Variants in MTUS2 observed in about 807,000 individuals in gnomAD.
MTUS2 encodes microtubule-associated tumor suppressor candidate 2.
Under a neutral mutation model 114.1 loss-of-function variants are expected in MTUS2, and 40 were observed. The ratio of observed to expected loss-of-function variants is 0.35; its 90% CI spans 0.27 to 0.46. MTUS2 has a LOEUF of 0.46. MTUS2 is among the 20% of genes least tolerant of loss of function. The pLI is 1.00. For missense variants in MTUS2, 1,679 were observed against 1,705.4 expected (o/e 0.98, Z 0.27); for synonymous variants, 688 against 672.0 (o/e 1.02, Z -0.37).
intron 8 of MTUS2, among the ~76,000 whole-genome samples, chr13:29,427,445 G>A (rs879413155): frequency 2.0e-5 from 3 of 152,184 alleles, no homozygotes; most frequent in African/African-American, 7.2e-5. Flanking sequence ...ACAAGCTTGT[G>A]TATTTATGTG....
chr13:29,247,228 C>T (rs1048998485), intron 5 of MTUS2, among the ~76,000 whole-genome samples: 2 of 152,122 alleles, frequency 1.3e-5, no homozygotes, highest in East Asian at 3.8e-4. Flanking sequence ...AAGAATGAAA[C>T]GGGATTCTCA....
At chr13:29,502,117 C>A (rs1013249170) in intron 15 of MTUS2, among the ~76,000 whole-genome samples, 5 of 152,234 alleles carry the variant, frequency 3.3e-5, no homozygotes, top group Non-Finnish European at 7.3e-5. Context: ...ACCTCAGAGG[C>A]ACATAGGAAA....
chr13:28,960,084 A>G (rs1292691030), intron 2 of MTUS2, among the ~76,000 whole-genome samples: 2 of 152,262 alleles, frequency 1.3e-5, no homozygotes, highest in African/African-American at 4.8e-5. Context: ...GAACTATCTG[A>G]CAAAGATTTT....
intron 5 of MTUS2, among the ~76,000 whole-genome samples, chr13:29,241,595 G>C (rs1002461453): frequency 2.0e-5 from 3 of 152,164 alleles, no homozygotes; most frequent in Non-Finnish European, 2.9e-5. Flanking sequence ...ACCCAGTACA[G>C]ATTTCTCAAA....
intron 7 of MTUS2, among the ~76,000 whole-genome samples, chr13:29,346,134 G>A (rs554542047): frequency 7.9e-5 from 12 of 152,254 alleles, no homozygotes; most frequent in Middle Eastern, 3.4e-3. Context: ...TTGGTTGGCC[G>A]CCAGCCAGGA....
intron 8 of MTUS2, among the ~76,000 whole-genome samples, chr13:29,374,726 A>G (rs183156765): frequency 6.6e-6 from 1 of 152,088 alleles, no homozygotes; most frequent in Non-Finnish European, 1.5e-5. Flanking sequence ...AGGAAACCCC[A>G]TGTCTACTAA....
intron 5 of MTUS2, among the ~76,000 whole-genome samples, chr13:29,192,885 T>G (rs1173910515): frequency 6.6e-6 from 1 of 152,164 alleles, no homozygotes; most frequent in African/African-American, 2.4e-5. Context: ...TTAAGTTTGT[T>G]AATTTAGGTC....
chr13:28,822,013 A>C (rs1873935965), intron 1 of MTUS2, among the ~76,000 whole-genome samples: 1 of 152,244 alleles, frequency 6.6e-6, no homozygotes, highest in Admixed American at 6.5e-5. Context: ...ATGAAAGTTG[A>C]GTAGTAGTGG....
chr13:29,218,610 C>G (rs1472222089), intron 5 of MTUS2, among the ~76,000 whole-genome samples: 3 of 152,204 alleles, frequency 2.0e-5, no homozygotes. Flanking sequence ...GTCATAATTA[C>G]TTCCTTGATT....
chr13:28,879,528 G>T (rs1428415631), intron 2 of MTUS2, among the ~76,000 whole-genome samples: 1 of 152,150 alleles, frequency 6.6e-6, no homozygotes, highest in African/African-American at 2.4e-5. Flanking sequence ...CTATTATTTT[G>T]TGAGCTGGTT....
chr13:29,222,206 A>G, intron 5 of MTUS2, among the ~76,000 whole-genome samples: 1 of 152,198 alleles, frequency 6.6e-6, no homozygotes, highest in African/African-American at 2.4e-5. Flanking sequence ...CTGCTGTGTC[A>G]TTGATTTTAC....
intron 2 of MTUS2, among the ~76,000 whole-genome samples, chr13:28,959,264 AC>A (rs1370447186): frequency 2.6e-5 from 4 of 152,158 alleles, no homozygotes; most frequent in African/African-American, 9.7e-5. Context: ...CGCCACTTCC[AC>A]CTGTGCCGGT....
At chr13:28,986,697 C>T (rs1389547214) in intron 2 of MTUS2, among the ~76,000 whole-genome samples, 2 of 152,150 alleles carry the variant, frequency 1.3e-5, no homozygotes, top group East Asian at 3.8e-4. Context: ...ATTACTATTC[C>T]CTTTGTGAAT....
At chr13:29,410,451 A>G (rs1481853265) in intron 8 of MTUS2, among the ~76,000 whole-genome samples, 1 of 152,178 alleles carries the variant, frequency 6.6e-6, no homozygotes, top group Non-Finnish European at 1.5e-5. Context: ...GCAGCCAAGT[A>G]GGTGAGAAAT....
At chr13:29,292,249 C>T (rs188797457) in intron 6 of MTUS2, among the ~76,000 whole-genome samples, 391 of 152,326 alleles carry the variant, frequency 2.6e-3, no homozygotes, top group African/African-American at 9.3e-3. Context: ...GATGGCTGAG[C>T]TCTTGCATGT....
chr13:29,389,243 A>ATATGTATACACATGTGTGTATATATG (rs1566172004), intron 8 of MTUS2, among the ~76,000 whole-genome samples: 1 of 121,958 alleles, frequency 8.2e-6, no homozygotes, highest in South Asian at 2.6e-4. Flanking sequence ...GTATGTGTGT[A>ATATGTATACACATGTGTGTATATATG]TATATATGTA....
In MTUS2 at chr13:28,828,013, A is replaced by G. The variant is rs138217149; in HGVS notation, c.-316+7402A>G. 6.1e-3 allele frequency among the ~76,000 whole-genome samples: 929 copies of G among 152,246 alleles called. 9 individuals are homozygous for G. Among genetic ancestry groups the G allele is most frequent in the Non-Finnish European group, 8.4e-3 (570 of 68,008 alleles). On this transcript the variant is annotated intron_variant, in intron 1 of 15. Coordinates refer to ENST00000612955, the MANE Select transcript of MTUS2 (RefSeq NM_001033602.4). ...TCTGACCAAAATTTATTAGGCGGGA[A>G]TTTCCTCGTCTTAATAAGCCTGGGA...
rs543316498 is a variant in MTUS2, at chr13:29,021,676, A to T, written c.-242-2781A>T. Among the ~76,000 whole-genome samples the T allele has an allele frequency of 1.7e-4, 26 of 152,334 alleles. No individual in the cohort carries two copies. The South Asian group carries it at 5.4e-3, about 32-fold the overall frequency. Reference sequence around the variant, plus strand: ...TTCTTGCCCTTCTTGACTTTGCAAGATACCCGTTTCTCATCCCAGAGAGCA... The same window carrying T: ...TTCTTGCCCTTCTTGACTTTGCAAGTTACCCGTTTCTCATCCCAGAGAGCA... On this transcript the variant is annotated intron_variant, in intron 2 of 15. Coordinates refer to ENST00000612955, the MANE Select transcript of MTUS2 (RefSeq NM_001033602.4).
At chr13:29,111,745 T>C (rs1407907846) in intron 5 of MTUS2, among the ~76,000 whole-genome samples, 3 of 152,192 alleles carry the variant, frequency 2.0e-5, no homozygotes, top group Non-Finnish European at 4.4e-5. Context: ...CCAAAGGCAG[T>C]AGACAGAGCG....
Sources: allele counts gnomAD v4.1 joint callset (sites outside exome capture counted in the v4.1 genomes callset), GRCh38; gene constraint gnomAD v4.1.1; transcripts MANE v1.5; gene names NCBI Gene and HGNC (gene_info 2026-07-23, HGNC 2026-07-21).